CFAP221: variants seen among roughly 807,000 people sequenced by gnomAD.
CFAP221 encodes cilia and flagella associated protein 221, also known as cilia- and flagella-associated protein 221.
A neutral mutation model predicts 113.1 loss-of-function variants in CFAP221; 97 were observed. That is an observed-to-expected ratio of 0.86 (90% CI 0.73 to 1.02). CFAP221 has a LOEUF of 1.02. CFAP221 is among the 50% of genes least tolerant of loss of function. CFAP221 has a pLI of 0.00. For synonymous variants in CFAP221, 331 were observed against 354.4 expected (o/e 0.93, Z 0.74); for missense variants, 1,025 against 1,013.4 (o/e 1.01, Z -0.16).
Position 119,545,954 on chromosome 2 carries a change from C to A in CFAP221, c.-47-131C>A, listed in dbSNP as rs921618115. The A allele has an allele frequency of 1.9e-5, 12 of 616,564 alleles. No homozygotes were observed. In the South Asian group the frequency reaches 2.3e-4, roughly 12 times the overall value. 38.2% of individuals were successfully genotyped at this position (616,564 alleles called of 1,614,324 possible). A position where few individuals can be genotyped will look rare whatever the true frequency, so the allele number is the denominator to read the frequency against. On this transcript the variant is annotated intron_variant, in intron 1 of 23. Transcript: ENST00000413369. ...AGCCATGTGTGGGAATGGAGTGGCC[C>A]GCAGAGAGGAGAGCCAGGGAGGGCA...
intron 21 of CFAP221, among the ~76,000 whole-genome samples, chr2:119,646,168 A>G (rs1198810079): frequency 6.6e-6 from 1 of 152,226 alleles, no homozygotes; most frequent in Admixed American, 6.5e-5. Flanking sequence ...ATGAAATGGA[A>G]TAGAATGTCT....
At chr2:119,605,341 T>A in intron 11 of CFAP221, 52 bp downstream of exon 11, 1 of 1,363,666 alleles carries the variant, frequency 7.3e-7, no homozygotes, top group Non-Finnish European at 1.0e-6. Context: ...TATTTTTAGG[T>A]GATGATCTTT....
Position 119,559,926 on chromosome 2 carries a change from A to T in CFAP221, c.328-2A>T. On this transcript the variant is annotated splice_acceptor_variant, in intron 4 of 23. Transcript: ENST00000413369. LOFTEE classifies it high-confidence loss of function. ...CCCAACAAGATGCCACCTGTCTTCCAGGAACACCACCTGGTCCCTGGCTTG... is the reference window on the plus strand; with the variant it reads ...CCCAACAAGATGCCACCTGTCTTCCTGGAACACCACCTGGTCCCTGGCTTG... 6.5e-7 allele frequency: 1 copy of T among 1,535,388 alleles called. No homozygotes were observed. The highest frequency in any genetic ancestry group is 8.7e-7 in the Non-Finnish European group (1 of 1,146,314).
chr2:119,549,318 G>T (rs1680265322), intron 3 of CFAP221, 133 bp downstream of exon 3: 2 of 673,676 alleles, frequency 3.0e-6, no homozygotes, highest in South Asian at 2.2e-5. Context: ...CAGAAAGGTA[G>T]TTCTATGATG....
chr2:119,607,141 A>T (rs1006018114), intron 11 of CFAP221, among the ~76,000 whole-genome samples: 1 of 152,214 alleles, frequency 6.6e-6, no homozygotes, highest in Non-Finnish European at 1.5e-5. Context: ...TAGTCTTTTT[A>T]AAAGTATTTA....
At chr2:119,644,061 G>A (rs766660408) in intron 21 of CFAP221, among the ~76,000 whole-genome samples, 8 of 152,000 alleles carry the variant, frequency 5.3e-5, no homozygotes, top group Non-Finnish European at 1.0e-4. Flanking sequence ...GCTGAAGCAG[G>A]AGAATCGCTT....
At chr2:119,561,067 T>C (rs1449979864) in intron 5 of CFAP221, among the ~76,000 whole-genome samples, 1 of 152,060 alleles carries the variant, frequency 6.6e-6, no homozygotes, top group Non-Finnish European at 1.5e-5. Flanking sequence ...GGTGGGTGGA[T>C]CACCTGAGGT....
chr2:119,649,524 T>G (rs748569895), intron 22 of CFAP221, among the ~76,000 whole-genome samples: 10 of 152,296 alleles, frequency 6.6e-5, no homozygotes, highest in Non-Finnish European at 1.5e-4. Flanking sequence ...GCAAAGCAGA[T>G]GTATGACTCA....
In CFAP221 at chr2:119,605,021, A is replaced by G. The variant is rs776271818; in HGVS notation, c.1024+34A>G. ...TTGATTGGCCATAAAGCAGCCCCTG[A>G]GCAGAATATGAAAGAGTCATTGCTG... On this transcript the variant is annotated intron_variant, in intron 10 of 23. Transcript: ENST00000413369. The G allele has an allele frequency of 1.0e-5, 16 of 1,590,432 alleles. No homozygotes were observed. The South Asian group carries it at 1.3e-4, about 13-fold the overall frequency.
intron 6 of CFAP221, chr2:119,572,759 G>C: frequency 3.7e-6 from 2 of 546,204 alleles, no homozygotes; most frequent in Non-Finnish European, 6.6e-6. Flanking sequence ...TGAAGATCTG[G>C]TAAAATGATG....
intron 14 of CFAP221, among the ~76,000 whole-genome samples, chr2:119,619,150 T>C (rs1685719926): frequency 6.6e-6 from 1 of 152,162 alleles, no homozygotes; most frequent in African/African-American, 2.4e-5. Flanking sequence ...AGGGGCAGCT[T>C]TGGTGCAGCT....
Position 119,647,062 on chromosome 2 carries a change from T to G in CFAP221, c.2318+12T>G, listed in dbSNP as rs1687858332. The G allele has an allele frequency of 6.3e-7, 1 of 1,599,688 alleles. No homozygotes were observed. Among genetic ancestry groups the G allele is most frequent in the Non-Finnish European group, 8.5e-7 (1 of 1,173,420 alleles). On this transcript the variant is annotated intron_variant, in intron 22 of 23. Transcript: ENST00000413369. ...GAAACAGTAGAACGGTATTTTTTTT[T>G]TTTTTAATCTTTGGCCTCTAATGTG...
intron 6 of CFAP221, among the ~76,000 whole-genome samples, chr2:119,583,328 T>A (rs1455627132): frequency 6.6e-6 from 1 of 151,618 alleles, no homozygotes; most frequent in East Asian, 1.9e-4. Context: ...ACTAGAAGTC[T>A]TCAATGCAAT....
At position 119,647,046 on chromosome 2, in the gene CFAP221, GAACGGTATTTT is replaced by G. The variant is rs776409696; in HGVS notation, c.2315_2318+7del. The G allele has an allele frequency of 3.9e-6, 6 of 1,524,354 alleles. No homozygotes were observed. In the African/African-American group the frequency reaches 9.7e-5, roughly 25 times the overall value. The allele number at this position is 1,524,354 out of a possible 1,614,324, so 94.4% of individuals were successfully genotyped here. A position where few individuals can be genotyped will look rare whatever the true frequency, so the allele number is the denominator to read the frequency against. ...AGAAGAGGACAGACTAGAAACAGTA[GAACGGTATTTT>G]TTTTTTTTTTAATCTTTGGCCTCTA... On this transcript the variant is annotated splice_donor_variant and splice_donor_5th_base_variant and coding_sequence_variant and intron_variant, in exon 22 of 24. Transcript: ENST00000413369. LOFTEE classifies it high-confidence loss of function.
intron 19 of CFAP221, chr2:119,638,018 T>G: frequency 3.0e-6 from 1 of 330,498 alleles, no homozygotes; most frequent in Middle Eastern, 8.0e-4. Context: ...AGTAAACCCA[T>G]ATGGTTTGTA....
intron 19 of CFAP221, among the ~76,000 whole-genome samples, chr2:119,636,771 C>T (rs529444160): frequency 6.6e-6 from 1 of 152,276 alleles, no homozygotes; most frequent in East Asian, 1.9e-4. Context: ...CACATGCATG[C>T]GTTAGTTTAG....
intron 8 of CFAP221, 91 bp downstream of exon 8, chr2:119,601,468 G>C: frequency 8.3e-7 from 1 of 1,209,470 alleles, no homozygotes; most frequent in South Asian, 2.0e-5. Flanking sequence ...TCTTGTAAAA[G>C]AATGTCATCA....
chr2:119,651,913 A>G (rs752908168), intron 22 of CFAP221, 61 bp from the exon 23 acceptor site: 1 of 1,295,750 alleles, frequency 7.7e-7, no homozygotes, highest in Non-Finnish European at 1.1e-6. Context: ...ACAATATTTC[A>G]TTCCTATTTT....
At chr2:119,571,738 G>A (rs567541622) in intron 6 of CFAP221, among the ~76,000 whole-genome samples, 9 of 151,732 alleles carry the variant, frequency 5.9e-5, no homozygotes, top group East Asian at 2.0e-4. Context: ...GATTACAGGC[G>A]TGAGCCACCA....
Sources: gnomAD v4.1 joint callset for allele counts (sites outside exome capture counted in the v4.1 genomes callset) on GRCh38, gnomAD v4.1.1 for gene constraint, MANE v1.5 for transcripts, NCBI Gene and HGNC (gene_info 2026-07-23, HGNC 2026-07-21) for gene names.